CADM2: variants seen among roughly 807,000 people sequenced by gnomAD.
CADM2 encodes the protein immunoglobulin superfamily member 4D.
CADM2 carries 12 observed loss-of-function variants against 49.8 expected under a neutral mutation model. The observed-to-expected ratio is 0.24, with a 90% CI of 0.15 to 0.39. CADM2 has a LOEUF of 0.39. Ranked by LOEUF, CADM2 falls within the 10% of genes least tolerant of loss-of-function variation. CADM2 has a pLI of 1.00. For synonymous variants in CADM2, 214 were observed against 175.4 expected, an observed-to-expected ratio of 1.22 and a Z score of -1.74; for missense variants, 378 against 492.3, an observed-to-expected ratio of 0.77 and a Z score of 2.20.
At chr3:85,543,331 C>T (rs1042058583) in intron 1 of CADM2, among the ~76,000 whole-genome samples, 25 of 150,384 alleles carry the variant, frequency 1.7e-4, no homozygotes, top group African/African-American at 5.9e-4. Flanking sequence ...CTCTGTTTAC[C>T]GCAACCTCCG....
chr3:85,193,684 G>A (rs2041267772), intron 1 of CADM2, among the ~76,000 whole-genome samples: 1 of 151,988 alleles, frequency 6.6e-6, no homozygotes, highest in South Asian at 2.1e-4. Context: ...ACTCCAATGT[G>A]ATCTCTAATT....
intron 8 of CADM2, among the ~76,000 whole-genome samples, chr3:86,006,097 AT>A (rs1730759158): frequency 6.6e-6 from 1 of 152,160 alleles, no homozygotes; most frequent in Non-Finnish European, 1.5e-5. Flanking sequence ...TATGTACCAC[AT>A]TTTTTAATCC....
At chr3:85,644,685 G>A (rs2064833118) in intron 1 of CADM2, among the ~76,000 whole-genome samples, 1 of 152,092 alleles carries the variant, frequency 6.6e-6, no homozygotes, top group South Asian at 2.1e-4. Flanking sequence ...TTGATATCAT[G>A]CCTTTGCCCA....
At chr3:85,119,806 A>C (rs915038087) in intron 1 of CADM2, among the ~76,000 whole-genome samples, 1 of 152,010 alleles carries the variant, frequency 6.6e-6, no homozygotes, top group African/African-American at 2.4e-5. Flanking sequence ...CTGTTTGTCT[A>C]TTGTTGGTGT....
At chr3:85,282,251 CTTT>C (rs1344833906) in intron 1 of CADM2, among the ~76,000 whole-genome samples, 1 of 77,006 alleles carries the variant, frequency 1.3e-5, no homozygotes, top group Admixed American at 1.3e-4. Flanking sequence ...GGTTTGGGGG[CTTT>C]TTTTTTTTTT....
chr3:85,704,076 C>T (rs773866977), intron 1 of CADM2, among the ~76,000 whole-genome samples: 6 of 152,148 alleles, frequency 3.9e-5, no homozygotes, highest in Admixed American at 6.5e-5. Flanking sequence ...CAAAACTGCA[C>T]CTTAGATGAC....
chr3:85,992,754 G>C (rs1481104872), intron 8 of CADM2: 1 of 152,210 alleles, frequency 6.6e-6, no homozygotes, highest in Non-Finnish European at 1.5e-5. Flanking sequence ...TCAGTGAGTT[G>C]TAATTTCTTT....
chr3:85,793,991 A>G (rs1468519262), intron 2 of CADM2, among the ~76,000 whole-genome samples: 1 of 152,114 alleles, frequency 6.6e-6, no homozygotes, highest in East Asian at 1.9e-4. Context: ...TTATATGCCT[A>G]TTTTTCCCTT....
At chr3:85,720,816 C>T (rs909323867) in intron 1 of CADM2, among the ~76,000 whole-genome samples, 1 of 152,088 alleles carries the variant, frequency 6.6e-6, no homozygotes, top group African/African-American at 2.4e-5. Flanking sequence ...TTATCTAGCC[C>T]TCTACAGCAG....
rs73845724 is a variant in CADM2, at chr3:86,066,906, A to G, written c.*123A>G. On this transcript the variant is annotated 3_prime_UTR_variant, in exon 10 of 10. Coordinates refer to ENST00000383699, the MANE Select transcript of CADM2 (RefSeq NM_001167675.2). The stretch of plus-strand genomic sequence containing the variant: ...TTATTAACTCCCATACTGTACTGCT[A>G]TCAGTAGCCAGTGTATACCAACAAT... 5.7e-6 allele frequency: 4 copies of G among 696,498 alleles called. No individual in the cohort carries two copies. Among genetic ancestry groups the G allele is most frequent in the African/African-American group, 5.3e-5 (3 of 56,358 alleles). 43.1% of individuals were successfully genotyped at this position (696,498 alleles called of 1,614,324 possible).
intron 5 of CADM2, among the ~76,000 whole-genome samples, chr3:85,911,828 T>C (rs963851516): frequency 6.6e-6 from 1 of 152,122 alleles, no homozygotes; most frequent in Non-Finnish European, 1.5e-5. Context: ...TTGTGCCTGA[T>C]TATAAGCTAG....
chr3:85,953,286 C>T (rs868714098), intron 7 of CADM2, among the ~76,000 whole-genome samples: 4 of 150,958 alleles, frequency 2.6e-5, no homozygotes, highest in Non-Finnish European at 5.9e-5. Flanking sequence ...TTTTATTACT[C>T]CCAACTCAAT....
intron 1 of CADM2, among the ~76,000 whole-genome samples, chr3:85,704,537 A>G (rs2066877945): frequency 6.6e-6 from 1 of 152,136 alleles, no homozygotes; most frequent in Non-Finnish European, 1.5e-5. Context: ...GAAGACATAG[A>G]GAAAGCAAGC....
Position 85,034,589 on chromosome 3 carries a change from T to C in CADM2, c.61+74921T>C, listed in dbSNP as rs962225562. 2.0e-5 allele frequency among the ~76,000 whole-genome samples: 3 copies of C among 152,084 alleles called. No homozygotes were observed. The East Asian group carries it at 5.8e-4, about 30-fold the overall frequency. ...GTGCAGATATCTCTGACGTATTTCCTTTCTTTTGGGTCTATACCTACCAGT... is the reference window on the plus strand; with the variant it reads ...GTGCAGATATCTCTGACGTATTTCCCTTCTTTTGGGTCTATACCTACCAGT... On this transcript the variant is annotated intron_variant, in intron 1 of 9. Coordinates refer to ENST00000383699, the MANE Select transcript of CADM2 (RefSeq NM_001167675.2).
chr3:85,651,997 T>TTTTTTTTTTTA (rs372706216), intron 1 of CADM2, among the ~76,000 whole-genome samples: 2 of 149,092 alleles, frequency 1.3e-5, no homozygotes, highest in African/African-American at 4.9e-5. Flanking sequence ...TTTTTTTTTT[T>TTTTTTTTTTTA]AATTAGAGAC....
chr3:85,065,155 C>T (rs17022402), intron 1 of CADM2, among the ~76,000 whole-genome samples: 7,444 of 151,902 alleles, frequency 0.049, 242 homozygotes, highest in East Asian at 0.15. Flanking sequence ...ATAGGACAAT[C>T]TTGGTTGTAA....
At chr3:85,844,838 C>A (rs2074802584) in intron 3 of CADM2, among the ~76,000 whole-genome samples, 3 of 151,956 alleles carry the variant, frequency 2.0e-5, no homozygotes, top group Admixed American at 2.0e-4. Context: ...TTTTCTTCTT[C>A]AGTCTAATTC....
chr3:86,013,519 C>A, intron 8 of CADM2: 6 of 1,604,664 alleles, frequency 3.7e-6, no homozygotes, highest in Non-Finnish European at 5.1e-6. Context: ...GCAGTTAACA[C>A]GTTGTTTTCT....
At chr3:85,318,184 GA>G (rs1363655939) in intron 1 of CADM2, among the ~76,000 whole-genome samples, 1 of 144,162 alleles carries the variant, frequency 6.9e-6, no homozygotes, top group Non-Finnish European at 1.5e-5. Flanking sequence ...AAAAAAAAAA[GA>G]AAAAAAGAAA....
Sources: allele counts gnomAD v4.1 joint callset (sites outside exome capture counted in the v4.1 genomes callset), GRCh38; gene constraint gnomAD v4.1.1; transcripts MANE v1.5; gene names NCBI Gene and HGNC (gene_info 2026-07-23, HGNC 2026-07-21).